Variants in ZNF518A observed in about 807,000 individuals in gnomAD.
The protein encoded by ZNF518A is zinc finger protein 518A, also known as zinc finger protein 518.
A neutral mutation model predicts 102.7 loss-of-function variants in ZNF518A; 47 were observed. The ratio of observed to expected loss-of-function variants is 0.46; its 90% CI spans 0.36 to 0.58. The LOEUF is 0.58. Ranked by LOEUF, ZNF518A falls within the 20% of genes least tolerant of loss-of-function variation. ZNF518A has a pLI of 0.00. For synonymous variants in ZNF518A, 652 were observed against 594.6 expected (o/e 1.10, Z -1.40); for missense variants, 1,793 against 1,699.8 (o/e 1.05, Z -0.96).
At chr10:96,198,658 T>C (rs1430102165) in intron 1 of ZNF518A, among the ~76,000 whole-genome samples, 3 of 152,214 alleles carry the variant, frequency 2.0e-5, no homozygotes, top group Admixed American at 2.0e-4. Context: ...CCAAGATTTC[T>C]TCCAACTACT....
intron 1 of ZNF518A, among the ~76,000 whole-genome samples, chr10:96,185,960 T>G (rs1411397383): frequency 6.6e-6 from 1 of 152,232 alleles, no homozygotes; most frequent in Non-Finnish European, 1.5e-5. Context: ...GGCTGCTGCC[T>G]TGCAGTTCAA....
At position 96,158,645 on chromosome 10, in the gene ZNF518A, G is replaced by C. The variant is rs1439030818; in HGVS notation, c.2323G>C (p.Ala775Pro). The change falls in exon 6 of 6, where the codon GCA becomes CCA. Residue 775 changes from alanine to proline, a missense_variant. Ala to Pro is a conservative substitution (Grantham distance 27). Around this residue, in one of 3 missense-constraint regions of ZNF518A, gnomAD observed 1,741 missense variants for 1,622.6 expected, o/e 1.07. Transcript: ENST00000316045. ...TSVFSLQSQQ[A>P]SEFLPPEVNQ... Reference sequence around the variant, plus strand: ...TGTTTTCTCTCTCCAGAGCCAACAGGCATCAGAATTTCTGCCACCTGAAGT... The same window carrying C: ...TGTTTTCTCTCTCCAGAGCCAACAGCCATCAGAATTTCTGCCACCTGAAGT... 1 of 1,613,264 alleles carries C rather than the reference G, an allele frequency of 6.2e-7. No homozygotes were observed.
intron 3 of ZNF518A, among the ~76,000 whole-genome samples, chr10:96,147,418 C>A (rs587712257): frequency 3.5e-4 from 54 of 152,296 alleles, no homozygotes; most frequent in Admixed American, 6.5e-4. Context: ...ACTTCTCTCT[C>A]CTCCATTTGA....
downstream of ZNF518A, among the ~76,000 whole-genome samples, chr10:96,164,580 T>C (rs1554889658): frequency 6.6e-6 from 1 of 152,226 alleles, no homozygotes; most frequent in African/African-American, 2.4e-5. Flanking sequence ...GAGGAAGTAT[T>C]TCATGAAGTC....
intron 3 of ZNF518A, 147 bp downstream of exon 3, chr10:96,133,795 G>A (rs1373539925): frequency 2.0e-5 from 3 of 152,134 alleles, no homozygotes; most frequent in African/African-American, 7.2e-5. Flanking sequence ...CCAGCAAATG[G>A]ATTTCTGTTC....
Position 96,158,073 on chromosome 10 carries a change from C to T in ZNF518A, c.1751C>T (p.Thr584Ile), listed in dbSNP as rs781850995. The part of the protein sequence containing the change: ...DNVDFWGNHL[T>I]QSHPEVLGTT... Reference sequence around the variant, plus strand: ...GTTGACTTCTGGGGAAATCATCTCACTCAGAGTCACCCCGAGGTATTAGGT... The same window carrying T: ...GTTGACTTCTGGGGAAATCATCTCATTCAGAGTCACCCCGAGGTATTAGGT... Residue 584 changes from threonine to isoleucine, a missense_variant, in exon 6 of 6, where the codon ACT (threonine) becomes ATT (isoleucine). Thr to Ile is a moderately conservative substitution (Grantham distance 89). Coordinates refer to ENST00000316045, the MANE Select transcript of ZNF518A (RefSeq NM_001330736.2). The T allele has an allele frequency of 1.9e-6, 3 of 1,613,650 alleles. No homozygotes were observed. Among genetic ancestry groups the T allele is most frequent in the Non-Finnish European group, 2.5e-6 (3 of 1,179,750 alleles).
At chr10:96,171,571 T>C (rs1464408470) in intron 1 of ZNF518A, among the ~76,000 whole-genome samples, 4 of 152,146 alleles carry the variant, frequency 2.6e-5, no homozygotes, top group African/African-American at 4.8e-5. Flanking sequence ...CAAGGAGTGA[T>C]AAAAATGTTC....
intron 1 of ZNF518A, among the ~76,000 whole-genome samples, chr10:96,178,202 C>A (rs2083217312): frequency 6.6e-6 from 1 of 152,064 alleles, no homozygotes; most frequent in Non-Finnish European, 1.5e-5. Flanking sequence ...GTAGAACATC[C>A]ACTAAATTTA....
At chr10:96,171,954 T>C (rs1285052776) in intron 1 of ZNF518A, among the ~76,000 whole-genome samples, 3 of 152,090 alleles carry the variant, frequency 2.0e-5, no homozygotes, top group African/African-American at 2.4e-5. Context: ...AATAGCTGAC[T>C]TCTCCCCAAA....
Position 96,158,505 on chromosome 10 carries a change from T to C in ZNF518A, c.2183T>C (p.Ile728Thr). 3.1e-6 allele frequency: 5 copies of C among 1,612,614 alleles called. No individual in the cohort carries two copies. The highest frequency in any genetic ancestry group is 4.2e-6 in the Non-Finnish European group (5 of 1,179,532). Residue 728 changes from isoleucine to threonine, a missense_variant, in exon 6 of 6, where the codon ATT (isoleucine) becomes ACT (threonine). Physicochemically the swap from Ile to Thr is moderately conservative, Grantham distance 89. Around this residue, in one of 3 missense-constraint regions of ZNF518A, gnomAD observed 1,741 missense variants for 1,622.6 expected, o/e 1.07. Coordinates refer to ENST00000316045, the MANE Select transcript of ZNF518A (RefSeq NM_001330736.2). ...EQYVLEKGQN[I>T]DGQNLYSNEN... ...TATGTTTTAGAAAAAGGACAAAACA[T>C]TGATGGACAAAACCTGTACAGTAAT...
chr10:96,172,645 T>C (rs924120777), intron 1 of ZNF518A, among the ~76,000 whole-genome samples: 12 of 152,140 alleles, frequency 7.9e-5, no homozygotes, highest in African/African-American at 2.9e-4. Flanking sequence ...GATAAAGATG[T>C]ATATTGTAAG....
At position 96,159,544 on chromosome 10, in the gene ZNF518A, T is replaced by G; in HGVS notation, c.3222T>G (p.Thr1074=). The G allele has an allele frequency of 6.2e-7, 1 of 1,613,918 alleles. No homozygotes were observed. The highest frequency in any genetic ancestry group is 2.2e-5 in the East Asian group (1 of 44,884). ...ACATGCTATCTGAGCAACAGAGCAC[T>G]AAGTTGAATATCTCCGATTCAGTAA... ...IPNMLSEQQS[T]KLNISDSVKQ... Residue 1074 remains threonine (T), a synonymous_variant, in exon 6 of 6, where the codon ACT becomes ACG. Transcript: ENST00000316045.
intron 3 of ZNF518A, among the ~76,000 whole-genome samples, chr10:96,154,211 A>G (rs2082586441): frequency 6.6e-6 from 1 of 152,162 alleles, no homozygotes; most frequent in South Asian, 2.1e-4. Context: ...GCATGCCTGT[A>G]GTCCCTGCTG....
intron 1 of ZNF518A, among the ~76,000 whole-genome samples, chr10:96,197,699 A>G (rs1444289878): frequency 6.6e-6 from 1 of 152,248 alleles, no homozygotes; most frequent in African/African-American, 2.4e-5. Context: ...CTGGACTAAA[A>G]TCTTGGGTCA....
chr10:96,141,211 A>T (rs587744213), intron 3 of ZNF518A, among the ~76,000 whole-genome samples: 1 of 152,340 alleles, frequency 6.6e-6, no homozygotes, highest in Non-Finnish European at 1.5e-5. Flanking sequence ...GAAGCTTATA[A>T]ATTATCTGGG....
At chr10:96,142,507 G>GT (rs2081985753) in intron 3 of ZNF518A, among the ~76,000 whole-genome samples, 1 of 152,090 alleles carries the variant, frequency 6.6e-6, no homozygotes, top group Admixed American at 6.5e-5. Context: ...GAATGCAGTA[G>GT]TTTTTTATGT....
intron 1 of ZNF518A, chr10:96,197,179 G>C (rs1174933446): frequency 2.0e-5 from 15 of 761,974 alleles, no homozygotes; most frequent in Admixed American, 1.2e-4. Context: ...AAATTATTTA[G>C]CTACATTATT....
chr10:96,184,391 T>G (rs1306132720), intron 1 of ZNF518A, among the ~76,000 whole-genome samples: 1 of 152,256 alleles, frequency 6.6e-6, no homozygotes, highest in Non-Finnish European at 1.5e-5. Context: ...AGTTTCTTCC[T>G]AGCATCTATG....
At chr10:96,190,351 C>T in intron 1 of ZNF518A, 1 of 524,992 alleles carries the variant, frequency 1.9e-6, no homozygotes, top group South Asian at 2.0e-5. Context: ...ATAGTCTTCT[C>T]TCTGTGCCTG....
Sources: allele counts gnomAD v4.1 joint callset (sites outside exome capture counted in the v4.1 genomes callset), GRCh38; gene constraint gnomAD v4.1.1; regional missense constraint gnomAD v4.1.1; transcripts MANE v1.5; gene names NCBI Gene and HGNC (gene_info 2026-07-23, HGNC 2026-07-21).